Variants in ST8SIA4 observed in about 807,000 individuals in gnomAD.
The protein encoded by ST8SIA4 is CMP-N-acetylneuraminate-poly-alpha-2,8-sialyltransferase.
ST8SIA4 carries 15 observed loss-of-function variants against 33.9 expected under a neutral mutation model. The ratio of observed to expected loss-of-function variants is 0.44; its 90% CI spans 0.30 to 0.68. ST8SIA4 has a LOEUF of 0.68. Ranked by LOEUF, ST8SIA4 falls within the 30% of genes least tolerant of loss-of-function variation. The pLI is 0.10. For missense variants in ST8SIA4, 321 were observed against 428.0 expected (o/e 0.75, Z 2.21); for synonymous variants, 171 against 151.2 (o/e 1.13, Z -0.96).
intron 3 of ST8SIA4, among the ~76,000 whole-genome samples, chr5:100,881,264 A>T (rs1249510239): frequency 2.6e-5 from 4 of 152,214 alleles, no homozygotes; most frequent in Non-Finnish European, 5.9e-5. Context: ...GAACTCTTGT[A>T]TTACAAAGTA....
chr5:100,835,472 T>C (rs1248660077), intron 4 of ST8SIA4, among the ~76,000 whole-genome samples: 1 of 152,190 alleles, frequency 6.6e-6, no homozygotes, highest in Non-Finnish European at 1.5e-5. Flanking sequence ...AAATGTGTAA[T>C]GCTATTAAAG....
chr5:100,881,880 G>A (rs1039944124), intron 3 of ST8SIA4, among the ~76,000 whole-genome samples: 3 of 152,204 alleles, frequency 2.0e-5, no homozygotes, highest in South Asian at 2.1e-4. Context: ...AGGGCCTTTC[G>A]CCTCCCACCA....
intron 4 of ST8SIA4, among the ~76,000 whole-genome samples, chr5:100,850,448 TAA>T (rs951968572): frequency 6.8e-6 from 1 of 146,602 alleles, no homozygotes; most frequent in African/African-American, 2.5e-5. Context: ...AAGTAAAAAT[TAA>T]AAAAAAAACT....
chr5:100,847,504 T>C (rs1317038667), intron 4 of ST8SIA4, among the ~76,000 whole-genome samples: 3 of 152,088 alleles, frequency 2.0e-5, no homozygotes, highest in Non-Finnish European at 2.9e-5. Flanking sequence ...ACCTTTACTT[T>C]CATTTAAAAT....
chr5:100,872,943 C>T (rs1418674008), intron 3 of ST8SIA4, among the ~76,000 whole-genome samples: 1 of 150,782 alleles, frequency 6.6e-6, no homozygotes, highest in African/African-American at 2.4e-5. Context: ...TTGTCTAGGC[C>T]AGCACATCTC....
chr5:100,855,924 G>A (rs1184591873), intron 4 of ST8SIA4, among the ~76,000 whole-genome samples, 179 bp downstream of exon 4: 1 of 152,128 alleles, frequency 6.6e-6, no homozygotes, highest in East Asian at 1.9e-4. Flanking sequence ...AAGAGGGTGA[G>A]TTAAAATCAT....
chr5:100,813,961 G>C (rs555215977), intron 4 of ST8SIA4, among the ~76,000 whole-genome samples: 7 of 151,954 alleles, frequency 4.6e-5, no homozygotes, highest in Non-Finnish European at 8.8e-5. Flanking sequence ...TATTTCTAAA[G>C]TGAGAAAAAT....
At chr5:100,857,903 A>G (rs1055433269) in intron 3 of ST8SIA4, among the ~76,000 whole-genome samples, 1 of 152,128 alleles carries the variant, frequency 6.6e-6, no homozygotes, top group Non-Finnish European at 1.5e-5. Context: ...TATCTTTTCA[A>G]TTTGGGTATC....
At chr5:100,896,598 A>G (rs1561410404) in intron 1 of ST8SIA4, among the ~76,000 whole-genome samples, 2 of 152,164 alleles carry the variant, frequency 1.3e-5, no homozygotes, top group African/African-American at 4.8e-5. Flanking sequence ...CAAAGAAGTG[A>G]CATGCTTTTG....
chr5:100,887,359 C>A (rs1752561367), intron 2 of ST8SIA4, among the ~76,000 whole-genome samples: 1 of 152,018 alleles, frequency 6.6e-6, no homozygotes, highest in Admixed American at 6.6e-5. Flanking sequence ...AGAATATTTG[C>A]AAGTCTCAAA....
chr5:100,823,573 AT>A (rs1009547661), intron 4 of ST8SIA4, among the ~76,000 whole-genome samples: 1 of 152,356 alleles, frequency 6.6e-6, no homozygotes, highest in African/African-American at 2.4e-5. Context: ...GTTCAGTTTC[AT>A]TTAACTCTTA....
At chr5:100,836,700 A>T (rs1402212564) in intron 4 of ST8SIA4, among the ~76,000 whole-genome samples, 1 of 152,004 alleles carries the variant, frequency 6.6e-6, no homozygotes, top group African/African-American at 2.4e-5. Context: ...ATTTTTTTTA[A>T]AGAAAACGAA....
chr5:100,864,952 C>T (rs1752031654), intron 3 of ST8SIA4, among the ~76,000 whole-genome samples: 4 of 152,094 alleles, frequency 2.6e-5, no homozygotes, highest in Admixed American at 2.6e-4. Context: ...TTGTCCATAC[C>T]TAACTCCCAG....
At chr5:100,864,592 A>G (rs1392437078) in intron 3 of ST8SIA4, among the ~76,000 whole-genome samples, 17 of 150,320 alleles carry the variant, frequency 1.1e-4, no homozygotes, top group Admixed American at 4.6e-4. Flanking sequence ...AAAAAAAAAA[A>G]AAAAAAAAAA....
In ST8SIA4 at chr5:100,808,946, G is replaced by A. The variant is rs186663796; in HGVS notation, c.*2901C>T. ...GAGATGAACAAAAGCAATCTCAATCGACACTGAAGCCCTTTTTTTCATGCT... is the reference window on the plus strand; with the variant it reads ...GAGATGAACAAAAGCAATCTCAATCAACACTGAAGCCCTTTTTTTCATGCT... On this transcript the variant is annotated 3_prime_UTR_variant, in exon 5 of 5. Coordinates refer to ENST00000231461, the MANE Select transcript of ST8SIA4 (RefSeq NM_005668.6). 3.3e-5 allele frequency: 5 copies of A among 152,632 alleles called. No individual in the cohort carries two copies. Among genetic ancestry groups the A allele is most frequent in the African/African-American group, 1.2e-4 (5 of 41,530 alleles). 9.5% of individuals were successfully genotyped at this position (152,632 alleles called of 1,614,324 possible).
intron 3 of ST8SIA4, among the ~76,000 whole-genome samples, chr5:100,880,793 T>G (rs957139984): frequency 6.6e-6 from 1 of 152,174 alleles, no homozygotes; most frequent in East Asian, 1.9e-4. Context: ...ATTGGTGATA[T>G]AATGCTAAGA....
intron 2 of ST8SIA4, 125 bp downstream of exon 2, chr5:100,895,528 TG>T: frequency 1.1e-6 from 1 of 884,312 alleles, no homozygotes; most frequent in Non-Finnish European, 1.7e-6. Flanking sequence ...TAAATAGAGC[TG>T]GTTCATTCTT....
At chr5:100,885,481 C>G (rs1752516390) in intron 3 of ST8SIA4, 2 of 938,086 alleles carry the variant, frequency 2.1e-6, no homozygotes, top group Admixed American at 6.2e-5. Flanking sequence ...ATAATGTATT[C>G]CAGTATATCT....
intron 3 of ST8SIA4, among the ~76,000 whole-genome samples, chr5:100,879,582 C>G (rs1355564740): frequency 5.3e-5 from 8 of 152,030 alleles, no homozygotes; most frequent in Admixed American, 3.9e-4. Context: ...GTAAAGTAGC[C>G]TCTACCTTAC....
Sources: gnomAD v4.1 joint callset for allele counts (sites outside exome capture counted in the v4.1 genomes callset) on GRCh38, gnomAD v4.1.1 for gene constraint, MANE v1.5 for transcripts, NCBI Gene and HGNC (gene_info 2026-07-23, HGNC 2026-07-21) for gene names.